STK40: variants seen among roughly 807,000 people sequenced by gnomAD.
The protein encoded by STK40 is serine/threonine-protein kinase 40.
Under a neutral mutation model 47.9 loss-of-function variants are expected in STK40, and 13 were observed. The observed-to-expected ratio is 0.27, with a 90% CI of 0.18 to 0.43. STK40 has a LOEUF of 0.43. Among genes scored for constraint, STK40 ranks in the 20% least tolerant of loss-of-function variants. The probability of loss-of-function intolerance (pLI) is 1.00; values close to 1 mark genes in which losing one functional copy is unlikely to be tolerated. For missense variants in STK40, 460 were observed against 595.1 expected (o/e 0.77, Z 2.36); for synonymous variants, 225 against 243.2 (o/e 0.93, Z 0.69).
intron 6 of STK40, among the ~76,000 whole-genome samples, chr1:36,353,372 T>A (rs960577382): frequency 6.6e-6 from 1 of 152,190 alleles, no homozygotes; most frequent in African/African-American, 2.4e-5. Context: ...TCTAACATGG[T>A]GAGACAGTGG....
chr1:36,349,425 G>A (rs1646731520), intron 6 of STK40, among the ~76,000 whole-genome samples: 1 of 152,230 alleles, frequency 6.6e-6, no homozygotes, highest in Non-Finnish European at 1.5e-5. Flanking sequence ...ACAGGGAAGT[G>A]AAAGGACTTG....
rs370658293 is a variant in STK40 at position 36,368,904 on chromosome 1, A to C, written c.-8-7564T>G. The stretch of plus-strand genomic sequence containing the variant: ...CCTTGTTCTTAGGTGATACATACTC[A>C]AGTGTTTTGGGGTGAAGGGTCATGA... On this transcript the variant is annotated intron_variant, in intron 1 of 10. Coordinates refer to ENST00000373132, the MANE Select transcript of STK40 (RefSeq NM_001282547.2). Among the ~76,000 whole-genome samples, 4 of 152,280 alleles carry C rather than the reference A, an allele frequency of 2.6e-5. No homozygotes were observed. The East Asian group carries it at 7.7e-4, about 29-fold the overall frequency.
Position 36,341,315 on chromosome 1 carries a change from G to C in STK40, c.*440C>G. 6.1e-6 allele frequency: 1 copy of C among 163,150 alleles called. No individual in the cohort carries two copies. Among genetic ancestry groups the C allele is most frequent in the Admixed American group, 6.0e-5 (1 of 16,566 alleles). 10.1% of individuals were successfully genotyped at this position (163,150 alleles called of 1,614,324 possible). On this transcript the variant is annotated 3_prime_UTR_variant, in exon 11 of 11. Transcript: ENST00000373132. ...GCTGTGGCAGGGGCCTGGGAGAGCA[G>C]GGAGGAGGGGAAGCTCGCTCTGGGG...
Position 36,343,424 on chromosome 1 carries a change from C to G in STK40, c.1029G>C (p.Gly343=). 3 of 1,613,538 alleles carry G rather than the reference C, an allele frequency of 1.9e-6. No homozygotes were observed. The highest frequency in any genetic ancestry group is 2.7e-5 in the African/African-American group (2 of 75,052). Residue 343 remains glycine (G), a synonymous_variant, in exon 10 of 11, where the codon GGG becomes GGC. Transcript: ENST00000373132. ...ASWQSLSSLS[G]PLQVVPDIDD... ...CAATGTCAGGAACCACTTGCAAAGG[C>G]CCACTCAGAGATGACAGGGACTGCC...
At chr1:36,375,468 C>A (rs952379494) in intron 1 of STK40, among the ~76,000 whole-genome samples, 18 of 151,268 alleles carry the variant, frequency 1.2e-4, no homozygotes, top group Non-Finnish European at 2.4e-4. Flanking sequence ...GATCATGCCA[C>A]TGCACTCCAG....
At chr1:36,352,199 T>C (rs1157872093) in intron 6 of STK40, among the ~76,000 whole-genome samples, 1 of 152,166 alleles carries the variant, frequency 6.6e-6, no homozygotes, top group East Asian at 1.9e-4. Flanking sequence ...CGTTGGCCAC[T>C]CAACATGCAG....
At chr1:36,346,387 C>T (rs940628416) in intron 7 of STK40, among the ~76,000 whole-genome samples, 4 of 152,182 alleles carry the variant, frequency 2.6e-5, no homozygotes, top group African/African-American at 4.8e-5. Context: ...TGTAACTTCC[C>T]CCAAATTCAC....
intron 1 of STK40, among the ~76,000 whole-genome samples, chr1:36,368,749 G>GA (rs374165402): frequency 2.0e-5 from 3 of 152,228 alleles, no homozygotes; most frequent in African/African-American, 4.8e-5. Flanking sequence ...TGATCTGGGA[G>GA]AAAAAAGGTA....
At chr1:36,382,720 T>G (rs113934441) in intron 1 of STK40, among the ~76,000 whole-genome samples, 1 of 152,208 alleles carries the variant, frequency 6.6e-6, no homozygotes, top group African/African-American at 2.4e-5. Flanking sequence ...CTGCAACTAA[T>G]TCCTAAAAGT....
At chr1:36,360,075 C>T (rs1037862071) in intron 2 of STK40, among the ~76,000 whole-genome samples, 13 of 152,190 alleles carry the variant, frequency 8.5e-5, no homozygotes, top group Non-Finnish European at 1.5e-5. Flanking sequence ...CTTGCACCAC[C>T]GGTGATGACT....
rs747374387 is a variant in STK40 at position 36,361,322 on chromosome 1, C to T, written c.11G>A (p.Arg4Lys). 2.5e-6 allele frequency: 4 copies of T among 1,614,126 alleles called. No individual in the cohort carries two copies. The highest frequency in any genetic ancestry group is 4.5e-5 in the East Asian group (2 of 44,904). ...TTCCCCAGCTCCTCTGTCTGATGCT[C>T]TCCGCTTCATTCTCAGCTCTAGACA... MKR[R>K]ASDRGAGETS... Residue 4 changes from arginine to lysine, a missense_variant, in exon 2 of 11, where the codon AGA (arginine) becomes AAA (lysine). Transcript: ENST00000373132.
At chr1:36,384,264 A>C (rs1419893302) in intron 1 of STK40, among the ~76,000 whole-genome samples, 4 of 152,120 alleles carry the variant, frequency 2.6e-5, no homozygotes, top group Non-Finnish European at 5.9e-5. Context: ...TCCTGACCTC[A>C]GGTGATCCGC....
intron 1 of STK40, among the ~76,000 whole-genome samples, chr1:36,366,922 C>T (rs1475700803): frequency 6.6e-6 from 1 of 151,680 alleles, no homozygotes; most frequent in Non-Finnish European, 1.5e-5. Flanking sequence ...GCAACCTCTG[C>T]CTCCCGGGCT....
At chr1:36,348,148 C>T (rs190415305) in intron 7 of STK40, among the ~76,000 whole-genome samples, 5 of 152,370 alleles carry the variant, frequency 3.3e-5, no homozygotes, top group Middle Eastern at 3.4e-3. Flanking sequence ...GAAACACAAA[C>T]TCACAGCAGC....
intron 1 of STK40, among the ~76,000 whole-genome samples, chr1:36,377,962 T>C (rs759386828): frequency 2.0e-5 from 3 of 152,156 alleles, no homozygotes; most frequent in Non-Finnish European, 4.4e-5. Flanking sequence ...AGGGCAAGAA[T>C]TGTTATGCCC....
chr1:36,384,696 A>AAATG (rs779121090), intron 1 of STK40, among the ~76,000 whole-genome samples: 26 of 152,296 alleles, frequency 1.7e-4, no homozygotes, highest in East Asian at 9.6e-4. Flanking sequence ...GTCATGTGAG[A>AAATG]AATGAATGAA....
chr1:36,344,176 G>C lies in STK40; in HGVS notation c.828C>G (p.Asp276Glu). The C allele has an allele frequency of 2.5e-6, 4 of 1,613,112 alleles. No homozygotes were observed. Among genetic ancestry groups the C allele is most frequent in the Non-Finnish European group, 3.4e-6 (4 of 1,179,784 alleles). ...TMLYGQFPFY[D>E]SIPQELFRKI... ...TGCGGAAGAGCTCCTGCGGGATGCT[G>C]TCGTAGAAGGGGAACTGGCCATACA... Residue 276 changes from aspartate (D) to glutamate (E), a missense_variant, in exon 8 of 11, where the codon GAC becomes GAG. Asp to Glu is a conservative substitution (Grantham distance 45). Coordinates refer to ENST00000373132, the MANE Select transcript of STK40 (RefSeq NM_001282547.2).
intron 4 of STK40, among the ~76,000 whole-genome samples, chr1:36,356,711 T>C (rs11583322): frequency 0.3 from 44,917 of 151,940 alleles, 7,859 homozygotes; most frequent in Middle Eastern, 0.43. Context: ...AGGCATAAGC[T>C]ACCTCGCCCG....
At chr1:36,384,393 CT>C (rs1647067542) in intron 1 of STK40, among the ~76,000 whole-genome samples, 1 of 152,244 alleles carries the variant, frequency 6.6e-6, no homozygotes, top group Non-Finnish European at 1.5e-5. Flanking sequence ...CTTAATTAGA[CT>C]GTATGCTCCT....
Sources: allele counts gnomAD v4.1 joint callset (sites outside exome capture counted in the v4.1 genomes callset), GRCh38; gene constraint gnomAD v4.1.1; transcripts MANE v1.5; gene names NCBI Gene and HGNC (gene_info 2026-07-23, HGNC 2026-07-21).